ZC3H12B: variants seen among roughly 807,000 people sequenced by gnomAD.
The protein encoded by ZC3H12B is probable ribonuclease ZC3H12B.
Under a neutral mutation model 43.9 loss-of-function variants are expected in ZC3H12B, and 7 were observed. That is an observed-to-expected ratio of 0.16 (90% CI 0.09 to 0.30). The LOEUF (loss-of-function observed/expected upper bound fraction) is 0.30. ZC3H12B is among the 10% of genes least tolerant of loss of function. The pLI is 1.00. For missense variants in ZC3H12B, 475 were observed against 670.2 expected, an observed-to-expected ratio of 0.71 and a Z score of 3.22; for synonymous variants, 222 against 241.7, an observed-to-expected ratio of 0.92 and a Z score of 0.76.
the ZC3H12B span, among the ~76,000 whole-genome samples, chrX:65,211,616 G>A: frequency 3.2e-5 from 3 of 93,407 alleles, no homozygotes; most frequent in Non-Finnish European, 4.1e-5. Flanking sequence ...AACACAGATT[G>A]GCCTAACAAC....
At chrX:65,211,430 T>A in the ZC3H12B span, among the ~76,000 whole-genome samples, 1 of 108,219 alleles carries the variant, frequency 9.2e-6, no homozygotes, top group East Asian at 2.9e-4. Context: ...GAACACTTAG[T>A]ATGTTCTAGG....
At chrX:65,179,435 A>C in the ZC3H12B span, among the ~76,000 whole-genome samples, 1 of 110,898 alleles carries the variant, frequency 9.0e-6, no homozygotes, top group Non-Finnish European at 1.9e-5. Context: ...AAAAAGGGCT[A>C]GAGAAGCAAG....
At chrX:65,170,958 G>C in the ZC3H12B span, among the ~76,000 whole-genome samples, 3 of 111,473 alleles carry the variant, frequency 2.7e-5, no homozygotes, top group African/African-American at 9.8e-5. Flanking sequence ...AAGGTTTTTA[G>C]CTTATTTGTG....
At chrX:65,443,920 A>G (rs1395315281) in intron 3 of ZC3H12B, among the ~76,000 whole-genome samples, 4 of 112,569 alleles carry the variant, frequency 3.6e-5, no homozygotes, top group Admixed American at 9.4e-5. Flanking sequence ...TGTTTCTTGC[A>G]GGCAGAAGAT....
At chrX:65,051,053 A>G in the ZC3H12B span, among the ~76,000 whole-genome samples, 3 of 111,462 alleles carry the variant, frequency 2.7e-5, no homozygotes, top group African/African-American at 3.2e-5. Context: ...AAGTATGTTC[A>G]GATTTTCTCT....
the ZC3H12B span, among the ~76,000 whole-genome samples, chrX:65,297,045 C>T: frequency 9.0e-6 from 1 of 111,396 alleles, no homozygotes; most frequent in Non-Finnish European, 1.9e-5. Context: ...CAACATTATA[C>T]AGCATGGGAA....
At chrX:65,174,837 A>T in the ZC3H12B span, among the ~76,000 whole-genome samples, 1 of 110,542 alleles carries the variant, frequency 9.0e-6, no homozygotes, top group Non-Finnish European at 1.9e-5. Context: ...GCTGAATGAG[A>T]CCACTTGGCT....
intron 2 of ZC3H12B, among the ~76,000 whole-genome samples, chrX:65,371,319 C>T (rs2066241890): frequency 9.0e-6 from 1 of 111,363 alleles, no homozygotes; most frequent in Non-Finnish European, 1.9e-5. Flanking sequence ...TATTATTTAT[C>T]TTTACATACT....
chrX:65,256,569 T>C, the ZC3H12B span, among the ~76,000 whole-genome samples: 9,492 of 111,429 alleles, frequency 0.085, 1,107 homozygotes, highest in African/African-American at 0.3. Context: ...TAGCTGTAAA[T>C]GCTCACATTA....
chrX:65,121,329 C>A, the ZC3H12B span, among the ~76,000 whole-genome samples: 3 of 111,087 alleles, frequency 2.7e-5, no homozygotes, highest in African/African-American at 9.8e-5. Flanking sequence ...AATTTCAGAG[C>A]CTGTTATTGG....
At chrX:65,152,345 C>T in the ZC3H12B span, among the ~76,000 whole-genome samples, 1 of 111,555 alleles carries the variant, frequency 9.0e-6, no homozygotes, top group Non-Finnish European at 1.9e-5. Context: ...AATGTCTCAG[C>T]CCAAAATCTC....
chrX:65,412,731 G>C (rs1257634370), intron 3 of ZC3H12B, among the ~76,000 whole-genome samples: 1 of 112,009 alleles, frequency 8.9e-6, no homozygotes, highest in Non-Finnish European at 1.9e-5. Flanking sequence ...GCCTCCCAAA[G>C]TGCTGGAATT....
chrX:65,450,815 G>GTA (rs1231668695), intron 3 of ZC3H12B, among the ~76,000 whole-genome samples: 6 of 63,988 alleles, frequency 9.4e-5, no homozygotes, highest in East Asian at 4.9e-4. Flanking sequence ...GTGTATATAT[G>GTA]TATATATATA....
the ZC3H12B span, among the ~76,000 whole-genome samples, chrX:65,045,855 G>A: frequency 1.9e-4 from 21 of 111,932 alleles, 1 homozygote; most frequent in East Asian, 4.8e-3. Context: ...TTCATGGACC[G>A]CAGAAGGGAT....
At chrX:65,244,280 T>A in the ZC3H12B span, among the ~76,000 whole-genome samples, 1 of 110,384 alleles carries the variant, frequency 9.1e-6, no homozygotes, top group East Asian at 2.8e-4. Context: ...TTAAAAAAAA[T>A]TAAAAATACA....
the ZC3H12B span, among the ~76,000 whole-genome samples, chrX:65,044,773 C>G: frequency 1.8e-5 from 2 of 110,878 alleles, no homozygotes; most frequent in Non-Finnish European, 3.8e-5. Context: ...CAGATGACCA[C>G]AATAAAGTGA....
At chrX:65,223,473 G>A in the ZC3H12B span, among the ~76,000 whole-genome samples, 2 of 112,231 alleles carry the variant, frequency 1.8e-5, no homozygotes, top group Non-Finnish European at 3.8e-5. Flanking sequence ...TAAATAGATG[G>A]GACTTAATTA....
the ZC3H12B span, among the ~76,000 whole-genome samples, chrX:65,136,818 G>C: frequency 9.0e-6 from 1 of 111,481 alleles, no homozygotes; most frequent in Non-Finnish European, 1.9e-5. Context: ...TAATGTTCAA[G>C]AGTTTCATTT....
chrX:65,414,627 T>A (rs2066939923), intron 3 of ZC3H12B, among the ~76,000 whole-genome samples: 2 of 111,690 alleles, frequency 1.8e-5, no homozygotes, highest in Non-Finnish European at 3.8e-5. Context: ...CTCATGTTAA[T>A]AAACTTTGGA....
Sources: allele counts gnomAD v4.1 joint callset (sites outside exome capture counted in the v4.1 genomes callset), GRCh38; gene constraint gnomAD v4.1.1; transcripts MANE v1.5; gene names NCBI Gene and HGNC (gene_info 2026-07-23, HGNC 2026-07-21).